The following GRID1 variants were observed in gnomAD, a reference collection of about 807,000 sequenced individuals.
GRID1 encodes glutamate ionotropic receptor delta type subunit 1, also known as glutamate receptor ionotropic, delta-1.
A neutral mutation model predicts 98.0 loss-of-function variants in GRID1; 28 were observed. The ratio of observed to expected loss-of-function variants is 0.29; its 90% confidence interval spans 0.21 to 0.39. GRID1 has a LOEUF of 0.39. GRID1 is among the 10% of genes least tolerant of loss of function. GRID1 has a pLI of 1.00. For missense variants in GRID1, 1,111 were observed against 1,340.5 expected, an observed-to-expected ratio of 0.83 and a Z score of 2.67; for synonymous variants, 553 against 538.5, an observed-to-expected ratio of 1.03 and a Z score of -0.37.
intron 2 of GRID1, among the ~76,000 whole-genome samples, chr10:86,232,498 C>T (rs1393285057): frequency 6.6e-6 from 1 of 152,180 alleles, no homozygotes; most frequent in Non-Finnish European, 1.5e-5. Context: ...TGTTGTATTT[C>T]CCACCCATCC....
Position 86,080,444 on chromosome 10 carries a change from GAGGGGAGGGGAGGGGAGGGGAGGGA to G in GRID1, c.726+58350_726+58374del, listed in dbSNP as rs1203328259. ...GAGGGGAGGGGAGGGGAGGGGAGGG[GAGGGGAGGGGAGGGGAGGGGAGGGA>G]AGGGAAGGGAAGGGAAAAGGGAAAA... On this transcript the variant is annotated intron_variant, in intron 4 of 15. Transcript: ENST00000327946. 9.2e-3 allele frequency among the ~76,000 whole-genome samples: 155 copies of G among 16,806 alleles called. 1 individual carries two copies. The highest frequency in any genetic ancestry group is 0.037 in the East Asian group (22 of 596). The allele number at this position is 16,806 out of a possible 152,430, so 11.0% of individuals were successfully genotyped here.
intron 5 of GRID1, among the ~76,000 whole-genome samples, chr10:85,890,557 T>C (rs577877014): frequency 3.3e-4 from 51 of 152,338 alleles, no homozygotes; most frequent in Admixed American, 5.2e-4. Flanking sequence ...AGTTCAGGAC[T>C]ACTGTAAATT....
intron 2 of GRID1, among the ~76,000 whole-genome samples, chr10:86,239,421 T>C (rs1257507389): frequency 6.6e-6 from 1 of 152,240 alleles, no homozygotes; most frequent in Non-Finnish European, 1.5e-5. Context: ...GAGTTAATCC[T>C]GAAATTAGTT....
At chr10:85,631,722 T>A (rs1842977383) in intron 13 of GRID1, among the ~76,000 whole-genome samples, 2 of 152,118 alleles carry the variant, frequency 1.3e-5, no homozygotes, top group Non-Finnish European at 2.9e-5. Flanking sequence ...AAGACCATGA[T>A]AAACAATAAT....
intron 8 of GRID1, among the ~76,000 whole-genome samples, chr10:85,752,025 C>T (rs1842051081): frequency 6.6e-6 from 1 of 152,162 alleles, no homozygotes; most frequent in African/African-American, 2.4e-5. Flanking sequence ...TCTGCCTTCC[C>T]AAAATGGCCT....
intron 14 of GRID1, 140 bp downstream of exon 14, chr10:85,619,727 C>T: frequency 1.5e-6 from 1 of 655,990 alleles, no homozygotes; most frequent in Non-Finnish European, 2.6e-6. Flanking sequence ...GAGGAGGAAG[C>T]AGTGGGACAT....
chr10:86,115,649 C>T (rs1844565007), intron 4 of GRID1, among the ~76,000 whole-genome samples: 1 of 152,160 alleles, frequency 6.6e-6, no homozygotes, highest in Admixed American at 6.5e-5. Flanking sequence ...AAGCCTGGGT[C>T]CTGACCCATT....
At chr10:86,086,404 T>G (rs1318329176) in intron 4 of GRID1, among the ~76,000 whole-genome samples, 3 of 152,164 alleles carry the variant, frequency 2.0e-5, no homozygotes, top group Non-Finnish European at 4.4e-5. Flanking sequence ...CCGCACCCAT[T>G]GTTTTATTGG....
At chr10:86,238,668 C>CAAAA (rs931719950) in intron 2 of GRID1, among the ~76,000 whole-genome samples, 13 of 47,008 alleles carry the variant, frequency 2.8e-4, no homozygotes, top group African/African-American at 7.9e-4. Flanking sequence ...GATTCCATCT[C>CAAAA]AAAAAAAAAA....
At chr10:86,265,431 AC>A (rs1847089248) in intron 2 of GRID1, among the ~76,000 whole-genome samples, 1 of 152,204 alleles carries the variant, frequency 6.6e-6, no homozygotes, top group South Asian at 2.1e-4. Flanking sequence ...ATTAGGTATG[AC>A]CCTTCTATTT....
At chr10:85,712,292 T>C (rs943253891) in intron 12 of GRID1, among the ~76,000 whole-genome samples, 14 of 151,618 alleles carry the variant, frequency 9.2e-5, no homozygotes, top group African/African-American at 2.9e-4. Context: ...ACAAGCACAC[T>C]GAAAGAAAAA....
intron 2 of GRID1, among the ~76,000 whole-genome samples, chr10:86,342,665 A>T (rs1382182459): frequency 1.3e-5 from 2 of 152,136 alleles, no homozygotes; most frequent in Non-Finnish European, 2.9e-5. Context: ...ATCCTCCAGG[A>T]AGCCCTAGGG....
chr10:85,679,969 A>C (rs1027985689), intron 12 of GRID1, among the ~76,000 whole-genome samples: 1 of 152,140 alleles, frequency 6.6e-6, no homozygotes, highest in Non-Finnish European at 1.5e-5. Flanking sequence ...TCACGGAAAG[A>C]GTCCTGAGGC....
intron 4 of GRID1, among the ~76,000 whole-genome samples, chr10:86,098,023 A>T (rs1844245611): frequency 6.6e-6 from 1 of 152,260 alleles, no homozygotes; most frequent in Non-Finnish European, 1.5e-5. Context: ...GTTTTCCACA[A>T]AGTGGATTTT....
chr10:86,092,980 C>T (rs867655652), intron 4 of GRID1, among the ~76,000 whole-genome samples: 1 of 152,114 alleles, frequency 6.6e-6, no homozygotes, highest in Non-Finnish European at 1.5e-5. Flanking sequence ...ATATGATAGG[C>T]CATAAAATGA....
At chr10:85,692,677 A>AAGAAGAAG (rs1554825169) in intron 12 of GRID1, among the ~76,000 whole-genome samples, 60 of 150,190 alleles carry the variant, frequency 4.0e-4, no homozygotes, top group African/African-American at 1.2e-3. Context: ...AAAAAAAAAA[A>AAGAAGAAG]AAGAAGAAGA....
At chr10:85,848,126 T>C (rs903253332) in intron 8 of GRID1, among the ~76,000 whole-genome samples, 4 of 152,168 alleles carry the variant, frequency 2.6e-5, no homozygotes, top group African/African-American at 7.2e-5. Flanking sequence ...GTTTAATATA[T>C]ATCAACCATA....
chr10:85,803,540 G>A (rs1429883785), intron 8 of GRID1, among the ~76,000 whole-genome samples: 1 of 151,588 alleles, frequency 6.6e-6, no homozygotes, highest in Admixed American at 6.6e-5. Flanking sequence ...CTAAAATCAA[G>A]CAGAAAATAT....
chr10:85,840,653 A>T (rs1473161870), intron 8 of GRID1, among the ~76,000 whole-genome samples: 1 of 152,200 alleles, frequency 6.6e-6, no homozygotes, highest in Non-Finnish European at 1.5e-5. Flanking sequence ...AGGGTACAAA[A>T]ATCAATGTGC....
Sources: allele counts gnomAD v4.1 joint callset (sites outside exome capture counted in the v4.1 genomes callset), GRCh38; gene constraint gnomAD v4.1.1; transcripts MANE v1.5; gene names NCBI Gene and HGNC (gene_info 2026-07-23, HGNC 2026-07-21).